CNTN6: variants seen among roughly 807,000 people sequenced by gnomAD.
CNTN6 encodes contactin 6, also known as contactin-6.
A neutral mutation model predicts 122.8 loss-of-function variants in CNTN6; 137 were observed. That is an observed-to-expected ratio of 1.12 (90% CI 0.97 to 1.29). The LOEUF is 1.29. Ranked by LOEUF, CNTN6 falls within the 50% of genes most tolerant of loss-of-function variation. The pLI is 0.00. For missense variants in CNTN6, 1,634 were observed against 1,223.4 expected (o/e 1.34, Z -5.01); for synonymous variants, 570 against 426.0 (o/e 1.34, Z -4.16).
chr3:1,403,809 A>T lies in CNTN6; in HGVS notation c.*391A>T, dbSNP rs1414898260. ...CCAGACAATCACTTCAGTATTTAAAATTTCCACCCTACTTCAAAATAAAAT... is the reference window on the plus strand; with the variant it reads ...CCAGACAATCACTTCAGTATTTAAATTTTCCACCCTACTTCAAAATAAAAT... On this transcript the variant is annotated 3_prime_UTR_variant, in exon 23 of 23. Coordinates refer to ENST00000446702, the MANE Select transcript of CNTN6 (RefSeq NM_001289080.2). 6.5e-6 allele frequency: 1 copy of T among 153,570 alleles called. No homozygotes were observed. Among genetic ancestry groups the T allele is most frequent in the Non-Finnish European group, 1.4e-5 (1 of 69,056 alleles). The allele number at this position is 153,570 out of a possible 1,614,324, so 9.5% of individuals were successfully genotyped here. A position where few individuals can be genotyped will look rare whatever the true frequency, so the allele number is the denominator to read the frequency against.
chr3:1,380,412 T>C (rs149550661), intron 17 of CNTN6, among the ~76,000 whole-genome samples: 2 of 152,316 alleles, frequency 1.3e-5, no homozygotes, highest in African/African-American at 4.8e-5. Flanking sequence ...TTTTAGAATA[T>C]AGCAATGGGT....
intron 7 of CNTN6, among the ~76,000 whole-genome samples, chr3:1,313,770 G>T (rs1699726455): frequency 6.6e-6 from 1 of 152,024 alleles, no homozygotes; most frequent in African/African-American, 2.4e-5. Flanking sequence ...GTGAACAACA[G>T]AAATTTGTTG....
intron 7 of CNTN6, among the ~76,000 whole-genome samples, chr3:1,307,165 G>A (rs908541015): frequency 3.9e-5 from 6 of 152,046 alleles, no homozygotes; most frequent in African/African-American, 1.5e-4. Context: ...CATTCTCTTG[G>A]GATCAGCTCT....
rs150914936 is a variant in CNTN6 at position 1,274,765 on chromosome 3, A to G, written c.359-3648A>G. On this transcript the variant is annotated intron_variant, in intron 4 of 22. Coordinates refer to ENST00000446702, the MANE Select transcript of CNTN6 (RefSeq NM_001289080.2). ...TCTGAACTTTGTATCAGTCAGAGGAAAATGTATGGTTGGCCCTAACCACTC... is the reference window on the plus strand; with the variant it reads ...TCTGAACTTTGTATCAGTCAGAGGAGAATGTATGGTTGGCCCTAACCACTC... Among the ~76,000 whole-genome samples the G allele has an allele frequency of 4.2e-3, 642 of 152,296 alleles. 5 individuals carry two copies. Among genetic ancestry groups the G allele is most frequent in the African/African-American group, 0.014 (585 of 41,568 alleles).
chr3:1,156,681 TTC>T (rs1559415987), intron 2 of CNTN6, among the ~76,000 whole-genome samples: 16 of 146,824 alleles, frequency 1.1e-4, no homozygotes, highest in East Asian at 4.1e-4. Context: ...CTTCCTTCCT[TTC>T]CCTCCCTCCC....
intron 11 of CNTN6, among the ~76,000 whole-genome samples, chr3:1,330,969 G>T (rs1702209551): frequency 6.6e-6 from 1 of 151,806 alleles, no homozygotes; most frequent in Non-Finnish European, 1.5e-5. Context: ...TCTGCATTCT[G>T]GTATTGAATC....
intron 9 of CNTN6, among the ~76,000 whole-genome samples, chr3:1,326,780 T>C (rs1209118089): frequency 6.6e-6 from 1 of 151,958 alleles, no homozygotes; most frequent in Non-Finnish European, 1.5e-5. Flanking sequence ...TCTTCCTGCA[T>C]GCCTTTTGCA....
Position 1,289,425 on chromosome 3 carries a change from A to G in CNTN6, c.455-6176A>G, listed in dbSNP as rs1694904069. On this transcript the variant is annotated intron_variant, in intron 5 of 22. Coordinates refer to ENST00000446702, the MANE Select transcript of CNTN6 (RefSeq NM_001289080.2). ...GGATTGTACTCCCAGAGCTGCTGCT[A>G]GCTCTATTCCCCTCTGCTTCTTCAC... is the stretch of plus-strand genomic sequence containing the variant. 2.0e-5 allele frequency among the ~76,000 whole-genome samples: 3 copies of G among 152,286 alleles called. No homozygotes were observed. The East Asian group carries it at 5.8e-4, about 30-fold the overall frequency.
At chr3:1,256,817 G>T (rs2094766655) in intron 4 of CNTN6, among the ~76,000 whole-genome samples, 1 of 151,906 alleles carries the variant, frequency 6.6e-6, no homozygotes, top group Non-Finnish European at 1.5e-5. Flanking sequence ...ACTTTGTTAG[G>T]CTTCATTAGA....
intron 1 of CNTN6, among the ~76,000 whole-genome samples, chr3:1,132,776 T>G (rs561503030): frequency 3.1e-4 from 47 of 152,198 alleles, no homozygotes; most frequent in Non-Finnish European, 6.3e-4. Flanking sequence ...TCTTCTAGAG[T>G]GTTTGAATAA....
At chr3:1,375,538 G>C (rs376028814) in intron 16 of CNTN6, among the ~76,000 whole-genome samples, 1 of 152,038 alleles carries the variant, frequency 6.6e-6, no homozygotes, top group African/African-American at 2.4e-5. Flanking sequence ...AAACTTTGTA[G>C]AAAGTAAATC....
At chr3:1,377,234 TA>T (rs1710006416) in intron 17 of CNTN6, among the ~76,000 whole-genome samples, 159 bp downstream of exon 17, 1 of 152,178 alleles carries the variant, frequency 6.6e-6, no homozygotes, top group African/African-American at 2.4e-5. Flanking sequence ...GAGGAGGTAT[TA>T]GGAACTTTTC....
chr3:1,148,039 C>T lies in CNTN6; in HGVS notation c.31C>T (p.Leu11=). MRLLWKLVIL[L]PLINSSAGDG... ...GTTGCTATGGAAACTGGTAATTCTGCTGCCACTCATAAACTCTTCTGCAGG... is the reference window on the plus strand; with the variant it reads ...GTTGCTATGGAAACTGGTAATTCTGTTGCCACTCATAAACTCTTCTGCAGG... Residue 11 remains leucine, a synonymous_variant, in exon 2 of 23, where the codon CTG becomes TTG. Coordinates refer to ENST00000446702, the MANE Select transcript of CNTN6 (RefSeq NM_001289080.2). The T allele has an allele frequency of 1.2e-6, 2 of 1,608,318 alleles. No individual in the cohort carries two copies. Among genetic ancestry groups the T allele is most frequent in the Non-Finnish European group, 1.7e-6 (2 of 1,175,858 alleles).
intron 2 of CNTN6, among the ~76,000 whole-genome samples, chr3:1,202,013 A>G (rs922346408): frequency 3.9e-5 from 6 of 152,192 alleles, no homozygotes; most frequent in Admixed American, 3.9e-4. Flanking sequence ...CATAATAAGC[A>G]TCCATTACAT....
At chr3:1,373,499 A>T in intron 14 of CNTN6, 105 bp from the exon 15 acceptor site, 1 of 1,023,320 alleles carries the variant, frequency 9.8e-7, no homozygotes, top group Non-Finnish European at 1.4e-6. Context: ...CATTATGGTC[A>T]ATATTTTACT....
At chr3:1,304,987 CA>C (rs4065396) in intron 7 of CNTN6, among the ~76,000 whole-genome samples, 3,998 of 103,178 alleles carry the variant, frequency 0.039, 52 homozygotes, top group Middle Eastern at 0.08. Context: ...GAGACTCTGT[CA>C]AAAAAAAAAA....
intron 5 of CNTN6, among the ~76,000 whole-genome samples, chr3:1,289,065 G>A (rs1694842599): frequency 6.6e-6 from 1 of 152,310 alleles, no homozygotes; most frequent in Middle Eastern, 3.4e-3. Flanking sequence ...AAATGTCATA[G>A]ATGGTGGAGA....
chr3:1,365,181 T>A (rs1008456455), intron 12 of CNTN6, among the ~76,000 whole-genome samples: 10 of 152,120 alleles, frequency 6.6e-5, no homozygotes, highest in African/African-American at 2.4e-4. Context: ...AGAAGGCAAC[T>A]CTTATCAATC....
intron 12 of CNTN6, among the ~76,000 whole-genome samples, chr3:1,357,988 C>G (rs1252178808): frequency 2.6e-5 from 4 of 151,618 alleles, no homozygotes; most frequent in Non-Finnish European, 5.9e-5. Flanking sequence ...CATTATCATC[C>G]AACATCTAGA....
Sources: gnomAD v4.1 joint callset for allele counts (sites outside exome capture counted in the v4.1 genomes callset) on GRCh38, gnomAD v4.1.1 for gene constraint, MANE v1.5 for transcripts, NCBI Gene and HGNC (gene_info 2026-07-23, HGNC 2026-07-21) for gene names.